Variants in TGM5 observed in about 807,000 individuals in gnomAD.
TGM5 encodes transglutaminase 5.
Under a neutral mutation model 77.2 loss-of-function variants are expected in TGM5, and 69 were observed. The observed-to-expected ratio is 0.89, with a 90% confidence interval of 0.74 to 1.09. TGM5 has a LOEUF of 1.09. Among genes scored for constraint, TGM5 ranks in the 50% least tolerant of loss-of-function variants. The probability of loss-of-function intolerance (pLI) is 0.00; values close to 1 mark genes in which losing one functional copy is unlikely to be tolerated. For synonymous variants in TGM5, 346 were observed against 351.8 expected, an observed-to-expected ratio of 0.98 and a Z score of 0.18; for missense variants, 842 against 896.5, an observed-to-expected ratio of 0.94 and a Z score of 0.78.
At chr15:43,234,530 G>A (rs764098615) in intron 11 of TGM5, among the ~76,000 whole-genome samples, 2 of 152,214 alleles carry the variant, frequency 1.3e-5, no homozygotes, top group Non-Finnish European at 2.9e-5. Flanking sequence ...GGGCACAAGA[G>A]GGGGGTCTCT....
chr15:43,246,192 A>G (rs1018305758), intron 6 of TGM5, among the ~76,000 whole-genome samples: 1 of 152,216 alleles, frequency 6.6e-6, no homozygotes, highest in African/African-American at 2.4e-5. Context: ...TGTGCAGGAC[A>G]ACTGTCTCAG....
intron 9 of TGM5, 124 bp downstream of exon 9, chr15:43,238,693 A>T (rs2042608842): frequency 6.7e-7 from 1 of 1,485,078 alleles, no homozygotes. Flanking sequence ...CTGGGGCCTC[A>T]AAACTGAACA....
chr15:43,256,789 C>T, intron 3 of TGM5, 103 bp from the exon 4 acceptor site: 1 of 873,112 alleles, frequency 1.1e-6, no homozygotes, highest in South Asian at 1.3e-5. Flanking sequence ...GGAGCAAGGG[C>T]CCCTGGCGAC....
chr15:43,259,962 C>T (rs1361836304), intron 3 of TGM5, 90 bp downstream of exon 3: 9 of 1,596,924 alleles, frequency 5.6e-6, no homozygotes, highest in Non-Finnish European at 7.7e-6. Context: ...CTGGGTGGCC[C>T]GGGAGCGGGG....
chr15:43,249,367 TAA>T (rs2042689516), intron 6 of TGM5, among the ~76,000 whole-genome samples: 1 of 152,242 alleles, frequency 6.6e-6, no homozygotes. Context: ...CTTTACTGTC[TAA>T]CTCCAAAACA....
At chr15:43,261,082 T>TTTTTTG (rs2042784764) in intron 1 of TGM5, among the ~76,000 whole-genome samples, 10 of 102,528 alleles carry the variant, frequency 9.8e-5, no homozygotes, top group South Asian at 4.0e-4. Context: ...GTGTGTTTTT[T>TTTTTTG]TTTTTTTTTT....
intron 1 of TGM5, among the ~76,000 whole-genome samples, chr15:43,261,072 G>GTTTTTTTTTT (rs1566837432): frequency 3.7e-5 from 2 of 53,870 alleles, no homozygotes; most frequent in African/African-American, 1.1e-4. Context: ...TTTTTTGTGT[G>GTTTTTTTTTT]TGTGTTTTTT....
chr15:43,236,196 G>A (rs751271292), intron 9 of TGM5, among the ~76,000 whole-genome samples: 35 of 152,044 alleles, frequency 2.3e-4, no homozygotes, highest in African/African-American at 8.0e-4. Flanking sequence ...TCTAAAACCC[G>A]TGCCTGTGAC....
rs2142348913 is a variant in TGM5, at chr15:43,233,072, T to C, written c.*119A>G. 8.0e-7 allele frequency: 1 copy of C among 1,248,304 alleles called. No individual in the cohort carries two copies. Among genetic ancestry groups the C allele is most frequent in the Non-Finnish European group, 1.1e-6 (1 of 882,526 alleles). The allele number at this position is 1,248,304 out of a possible 1,614,324, so 77.3% of individuals were successfully genotyped here. A position where few individuals can be genotyped will look rare whatever the true frequency, so the allele number is the denominator to read the frequency against. Reference sequence around the variant, plus strand: ...GAAAATGAACACGTCATCCCCTCTGTGGCTCTTGCTGGAGCCCTGTGAAGC... The same window carrying C: ...GAAAATGAACACGTCATCCCCTCTGCGGCTCTTGCTGGAGCCCTGTGAAGC... On this transcript the variant is annotated 3_prime_UTR_variant, in exon 13 of 13. Coordinates refer to ENST00000220420, the MANE Select transcript of TGM5 (RefSeq NM_201631.4).
intron 6 of TGM5, among the ~76,000 whole-genome samples, chr15:43,242,668 C>T (rs1421257658): frequency 6.6e-6 from 1 of 152,182 alleles, no homozygotes; most frequent in Non-Finnish European, 1.5e-5. Flanking sequence ...CCTCTGGATG[C>T]GACCAGAAAA....
intron 4 of TGM5, among the ~76,000 whole-genome samples, chr15:43,254,734 C>A (rs2042731322): frequency 6.6e-6 from 1 of 152,148 alleles, no homozygotes; most frequent in African/African-American, 2.4e-5. Flanking sequence ...TTTGCTCACA[C>A]CTTCCCTCTG....
At position 43,256,560 on chromosome 15, in the gene TGM5, A is replaced by G; in HGVS notation, c.555+8T>C. 1 of 1,610,032 alleles carries G rather than the reference A, an allele frequency of 6.2e-7. No individual in the cohort carries two copies. Among genetic ancestry groups the G allele is most frequent in the Non-Finnish European group, 8.5e-7 (1 of 1,176,316 alleles). On this transcript the variant is annotated splice_region_variant and intron_variant, in intron 4 of 12. Transcript: ENST00000220420. ...CCGGGATGGGCCATAAGCAGGGCTG[A>G]GACTCACCTGTCCATAGTTCCAGGG...
At chr15:43,254,797 T>C (rs1230125491) in intron 4 of TGM5, among the ~76,000 whole-genome samples, 1 of 152,052 alleles carries the variant, frequency 6.6e-6, no homozygotes, top group Non-Finnish European at 1.5e-5. Flanking sequence ...TTCAAACATC[T>C]CCTCTCCCAG....
chr15:43,256,305 T>A (rs1020661643), intron 4 of TGM5, among the ~76,000 whole-genome samples: 3 of 152,242 alleles, frequency 2.0e-5, no homozygotes, highest in African/African-American at 7.2e-5. Context: ...TTCACCCTCA[T>A]GCTCACTGGA....
intron 4 of TGM5, among the ~76,000 whole-genome samples, chr15:43,254,870 T>C (rs1000488002): frequency 6.6e-6 from 1 of 152,188 alleles, no homozygotes; most frequent in Non-Finnish European, 1.5e-5. Context: ...CAGAACACTC[T>C]GCCCCTGTCT....
In TGM5 at chr15:43,233,162, T is replaced by C. The variant is rs1325141523; in HGVS notation, c.*29A>G. ...TTGCTCCTTTTCCTGAAGCTTGAAATTCACACGTCTGGCGCGTTGTTCCAG... is the reference window on the plus strand; with the variant it reads ...TTGCTCCTTTTCCTGAAGCTTGAAACTCACACGTCTGGCGCGTTGTTCCAG... On this transcript the variant is annotated 3_prime_UTR_variant, in exon 13 of 13. Coordinates refer to ENST00000220420, the MANE Select transcript of TGM5 (RefSeq NM_201631.4). 1.2e-6 allele frequency: 2 copies of C among 1,613,628 alleles called. No homozygotes were observed. The highest frequency in any genetic ancestry group is 1.7e-6 in the Non-Finnish European group (2 of 1,179,846).
At chr15:43,258,041 A>G (rs2042754839) in intron 3 of TGM5, among the ~76,000 whole-genome samples, 1 of 152,118 alleles carries the variant, frequency 6.6e-6, no homozygotes, top group Non-Finnish European at 1.5e-5. Context: ...GAACACTTGG[A>G]CACAGGGTGG....
intron 4 of TGM5, among the ~76,000 whole-genome samples, 199 bp downstream of exon 4, chr15:43,256,369 A>G (rs915427381): frequency 3.3e-5 from 5 of 152,136 alleles, no homozygotes; most frequent in African/African-American, 1.2e-4. Flanking sequence ...TGTTGTCCAA[A>G]TCAGACATGA....
chr15:43,253,563 G>A lies in TGM5; in HGVS notation c.627C>T (p.Ala209=). ...GGCTTCCCCGCAGAGCACAGTCTGT[G>A]GCTGGGTCAGTCTGGAAGTGCAGGC... The part of the protein sequence containing the change: ...DKSLHFQTDP[A]TDCALRGSPV... Residue 209 remains alanine, a synonymous_variant, in exon 5 of 13, where the codon GCC becomes GCT. Transcript: ENST00000220420. The A allele has an allele frequency of 6.2e-7, 1 of 1,613,838 alleles. No individual in the cohort carries two copies. The highest frequency in any genetic ancestry group is 1.1e-5 in the South Asian group (1 of 91,084).
Sources: gnomAD v4.1 joint callset for allele counts (sites outside exome capture counted in the v4.1 genomes callset) on GRCh38, gnomAD v4.1.1 for gene constraint, MANE v1.5 for transcripts, NCBI Gene and HGNC (gene_info 2026-07-23, HGNC 2026-07-21) for gene names.